The following LIN28B variants were observed in gnomAD, a reference collection of about 807,000 sequenced individuals.
LIN28B encodes the protein protein lin-28 homolog B.
LIN28B carries 5 observed loss-of-function variants against 21.9 expected under a neutral mutation model. The ratio of observed to expected loss-of-function variants is 0.23; its 90% CI spans 0.12 to 0.48. LIN28B has a LOEUF of 0.48. LIN28B is among the 20% of genes least tolerant of loss of function. The pLI is 0.98. For synonymous variants in LIN28B, 109 were observed against 111.3 expected (o/e 0.98, Z 0.13); for missense variants, 245 against 310.5 (o/e 0.79, Z 1.58).
chr6:104,938,342 A>G (rs1778036194), intron 2 of LIN28B, among the ~76,000 whole-genome samples: 1 of 152,092 alleles, frequency 6.6e-6, no homozygotes, highest in South Asian at 2.1e-4. Context: ...GTTCACTTTT[A>G]GAAGGAAATT....
intron 2 of LIN28B, among the ~76,000 whole-genome samples, chr6:104,965,176 G>A (rs1418735860): frequency 2.0e-5 from 3 of 152,312 alleles, no homozygotes; most frequent in African/African-American, 7.2e-5. Flanking sequence ...TTCCATTACA[G>A]TTGATGTTAA....
chr6:104,947,393 G>A (rs1039088699), intron 2 of LIN28B, among the ~76,000 whole-genome samples: 25 of 152,224 alleles, frequency 1.6e-4, no homozygotes, highest in Non-Finnish European at 3.4e-4. Context: ...CAAAGTGCTG[G>A]GATTACAGGC....
chr6:105,074,489 C>T (rs978973539), intron 3 of LIN28B, among the ~76,000 whole-genome samples: 9 of 152,090 alleles, frequency 5.9e-5, no homozygotes, highest in Admixed American at 1.3e-4. Context: ...TGAGCCACCG[C>T]GTCAGGCCTT....
At chr6:104,948,211 G>A (rs1043039243) in intron 2 of LIN28B, among the ~76,000 whole-genome samples, 9 of 152,214 alleles carry the variant, frequency 5.9e-5, no homozygotes, top group Non-Finnish European at 8.8e-5. Context: ...GCTCATGCCT[G>A]TAATCCCAGC....
chr6:104,956,815 T>C (rs967303541), upstream of LIN28B, among the ~76,000 whole-genome samples: 1 of 152,202 alleles, frequency 6.6e-6, no homozygotes, highest in African/African-American at 2.4e-5. Context: ...CCTTTTTTTC[T>C]AAATCTATGA....
At chr6:105,010,472 T>A (rs1015881390) in intron 2 of LIN28B, among the ~76,000 whole-genome samples, 6 of 152,152 alleles carry the variant, frequency 3.9e-5, no homozygotes, top group Non-Finnish European at 8.8e-5. Context: ...AGTATCTGTA[T>A]CAAAGATATT....
At chr6:105,053,382 G>GGGGTGTGT (rs1554190398) in intron 3 of LIN28B, among the ~76,000 whole-genome samples, 1 of 146,552 alleles carries the variant, frequency 6.8e-6, no homozygotes. Flanking sequence ...TATGTCTTAT[G>GGGGTGTGT]GTGTGTGTGT....
intron 3 of LIN28B, among the ~76,000 whole-genome samples, chr6:105,043,027 C>A (rs1490588144): frequency 6.6e-6 from 1 of 152,152 alleles, no homozygotes; most frequent in African/African-American, 2.4e-5. Flanking sequence ...AACCTCTGAA[C>A]TGTCCTTTGC....
At chr6:104,974,050 A>G (rs1051365057) in intron 2 of LIN28B, among the ~76,000 whole-genome samples, 1 of 152,240 alleles carries the variant, frequency 6.6e-6, no homozygotes, top group African/African-American at 2.4e-5. Context: ...TTTTACCTAG[A>G]AGAAGGCTTT....
At chr6:104,971,997 G>A (rs1011955173) in intron 2 of LIN28B, among the ~76,000 whole-genome samples, 3 of 152,028 alleles carry the variant, frequency 2.0e-5, no homozygotes, top group Non-Finnish European at 2.9e-5. Context: ...TTGAGATAGG[G>A]TCTTGCTCTG....
At chr6:105,059,915 T>A (rs1562110430) in intron 3 of LIN28B, among the ~76,000 whole-genome samples, 1 of 152,158 alleles carries the variant, frequency 6.6e-6, no homozygotes, top group Non-Finnish European at 1.5e-5. Flanking sequence ...GTATTTTTTT[T>A]TTTTTAAGAT....
chr6:104,951,888 C>T (rs1042373670), intron 3 of LIN28B, among the ~76,000 whole-genome samples: 1 of 152,202 alleles, frequency 6.6e-6, no homozygotes, highest in African/African-American at 2.4e-5. Flanking sequence ...ATTCTGGCCT[C>T]CATTTTCTAG....
intron 3 of LIN28B, among the ~76,000 whole-genome samples, chr6:105,042,201 G>A (rs999939671): frequency 6.6e-6 from 1 of 152,108 alleles, no homozygotes; most frequent in Admixed American, 6.5e-5. Context: ...GCCATTATGA[G>A]TAGAGACACT....
chr6:104,950,247 A>G (rs1778205401), intron 2 of LIN28B, among the ~76,000 whole-genome samples: 1 of 152,134 alleles, frequency 6.6e-6, no homozygotes, highest in East Asian at 1.9e-4. Context: ...AATGTTCTTT[A>G]AACTAGTGTC....
chr6:104,951,644 A>G (rs1314867449), intron 3 of LIN28B, among the ~76,000 whole-genome samples: 2 of 152,164 alleles, frequency 1.3e-5, no homozygotes, highest in African/African-American at 4.8e-5. Context: ...TGACTGCAAT[A>G]AAGTTTCATG....
At chr6:104,989,388 A>G (rs1770412224) in intron 2 of LIN28B, among the ~76,000 whole-genome samples, 1 of 151,718 alleles carries the variant, frequency 6.6e-6, no homozygotes, top group Admixed American at 6.6e-5. Flanking sequence ...ATGGCTGACT[A>G]ATTTTTGTAA....
At position 105,078,896 on chromosome 6, in the gene LIN28B, G is replaced by A. The variant is rs1772485809; in HGVS notation, c.*113G>A. On this transcript the variant is annotated 3_prime_UTR_variant, in exon 4 of 4. Transcript: ENST00000345080. ...CTGACCTGGGATTTTAACTACTATT[G>A]GGGAACTGTGAATTTTTTAAACAGA... The A allele has an allele frequency of 8.0e-7, 1 of 1,247,870 alleles. No homozygotes were observed. The highest frequency in any genetic ancestry group is 1.1e-6 in the Non-Finnish European group (1 of 904,808). The allele number at this position is 1,247,870 out of a possible 1,614,324, so 77.3% of individuals were successfully genotyped here.
chr6:105,004,378 C>A (rs1044292168), intron 2 of LIN28B, among the ~76,000 whole-genome samples: 1 of 152,184 alleles, frequency 6.6e-6, no homozygotes, highest in Middle Eastern at 3.2e-3. Flanking sequence ...CGCCTTTCCT[C>A]TCCACTCCCT....
chr6:104,941,661 T>C (rs899337630), intron 2 of LIN28B, among the ~76,000 whole-genome samples: 6 of 152,174 alleles, frequency 3.9e-5, no homozygotes, highest in African/African-American at 1.4e-4. Context: ...TCGTTTTTGC[T>C]TTGGTATCGG....
Sources: allele counts gnomAD v4.1 joint callset (sites outside exome capture counted in the v4.1 genomes callset), GRCh38; gene constraint gnomAD v4.1.1; transcripts MANE v1.5; gene names NCBI Gene and HGNC (gene_info 2026-07-23, HGNC 2026-07-21).